Variants in RIMS1 observed in about 807,000 individuals in gnomAD.
The protein encoded by RIMS1 is regulating synaptic membrane exocytosis protein 1.
Under a neutral mutation model 214.1 loss-of-function variants are expected in RIMS1, and 83 were observed. The ratio of observed to expected loss-of-function variants is 0.39; its 90% CI spans 0.32 to 0.47. The LOEUF is 0.47. Among genes scored for constraint, RIMS1 ranks in the 20% least tolerant of loss-of-function variants. RIMS1 has a pLI of 0.99. For synonymous variants in RIMS1, 793 were observed against 786.8 expected (o/e 1.01, Z -0.13); for missense variants, 2,050 against 2,161.8 (o/e 0.95, Z 1.03).
chr6:72,033,197 A>G (rs1304275203), intron 2 of RIMS1, among the ~76,000 whole-genome samples: 1 of 152,224 alleles, frequency 6.6e-6, no homozygotes, highest in Non-Finnish European at 1.5e-5. Context: ...TCAAAAAACA[A>G]AATCACGGCT....
intron 28 of RIMS1, 142 bp downstream of exon 28, chr6:72,313,814 C>T: frequency 2.4e-6 from 2 of 833,012 alleles, no homozygotes; most frequent in Non-Finnish European, 3.6e-6. Flanking sequence ...GTATTGCCAA[C>T]AGAATGTTTA....
intron 4 of RIMS1, among the ~76,000 whole-genome samples, chr6:72,100,987 A>G (rs942861827): frequency 6.6e-6 from 1 of 151,976 alleles, no homozygotes; most frequent in Non-Finnish European, 1.5e-5. Flanking sequence ...TGTACCATTG[A>G]CTGTATGTGG....
At chr6:72,194,797 G>T (rs891923638) in intron 6 of RIMS1, among the ~76,000 whole-genome samples, 5 of 152,034 alleles carry the variant, frequency 3.3e-5, no homozygotes, top group African/African-American at 1.2e-4. Context: ...GCTCTATCTG[G>T]TGGGATTATC....
intron 2 of RIMS1, among the ~76,000 whole-genome samples, chr6:71,971,516 A>G (rs951376745): frequency 6.6e-6 from 1 of 152,204 alleles, no homozygotes; most frequent in African/African-American, 2.4e-5. Context: ...GCCACTACCA[A>G]GAAGTTGAAT....
At chr6:72,098,289 C>CTTTTTTTTTTTTTT in intron 3 of RIMS1, among the ~76,000 whole-genome samples, 1 of 143,346 alleles carries the variant, frequency 7.0e-6, no homozygotes, top group Non-Finnish European at 1.5e-5. Context: ...ATCAATATAT[C>CTTTTTTTTTTTTTT]TTTTTTTTTT....
At chr6:72,296,936 T>A (rs2094149072) in intron 26 of RIMS1, among the ~76,000 whole-genome samples, 1 of 151,906 alleles carries the variant, frequency 6.6e-6, no homozygotes, top group Admixed American at 6.6e-5. Context: ...TACATGTTGG[T>A]GTATCCTATT....
At chr6:72,290,640 C>A in intron 24 of RIMS1, 39 bp from the exon 25 acceptor site, 2 of 1,576,200 alleles carry the variant, frequency 1.3e-6, no homozygotes, top group South Asian at 1.2e-5. Flanking sequence ...TTAATGTGAA[C>A]CTGCTGACTG....
At chr6:72,225,070 G>A (rs1368574649) in intron 6 of RIMS1, among the ~76,000 whole-genome samples, 1 of 152,018 alleles carries the variant, frequency 6.6e-6, no homozygotes, top group East Asian at 1.9e-4. Flanking sequence ...TAAATTATTT[G>A]TTTGCATAGC....
intron 28 of RIMS1, among the ~76,000 whole-genome samples, chr6:72,315,513 C>T (rs368039763): frequency 6.6e-6 from 1 of 152,150 alleles, no homozygotes; most frequent in African/African-American, 2.4e-5. Context: ...TTCTTGTAAT[C>T]TCATACTGTA....
intron 2 of RIMS1, among the ~76,000 whole-genome samples, chr6:72,038,454 T>C (rs944320730): frequency 2.0e-5 from 3 of 152,082 alleles, no homozygotes; most frequent in Non-Finnish European, 2.9e-5. Flanking sequence ...CAAATGTTCA[T>C]GTCACTTTAA....
In RIMS1 at chr6:72,118,884, G is replaced by C. The variant is rs191762001; in HGVS notation, c.471+18898G>C. On this transcript the variant is annotated intron_variant, in intron 4 of 33. Coordinates refer to ENST00000521978, the MANE Select transcript of RIMS1 (RefSeq NM_014989.7). ...TGAACATTATACTGAGTGGGGAAAA[G>C]TTGAAAGCATTTCCACTGAGAACTG... Among the ~76,000 whole-genome samples the C allele has an allele frequency of 1.5e-3, 224 of 151,728 alleles. 5 individuals are homozygous for C. The highest frequency in any genetic ancestry group is 2.1e-3 in the Non-Finnish European group (142 of 67,722).
chr6:72,332,631 C>G (rs2096708775), intron 28 of RIMS1, among the ~76,000 whole-genome samples: 2 of 147,752 alleles, frequency 1.4e-5, no homozygotes, highest in Non-Finnish European at 3.0e-5. Flanking sequence ...CACATGTATA[C>G]ATATGTAACT....
chr6:72,264,043 G>T (rs2079302037), intron 19 of RIMS1: 3 of 824,448 alleles, frequency 3.6e-6, no homozygotes, highest in Non-Finnish European at 4.4e-6. Flanking sequence ...TTTAATTGAA[G>T]TTTTAAGGGA....
chr6:71,933,114 GT>G (rs1298838988), intron 1 of RIMS1, among the ~76,000 whole-genome samples: 2 of 152,148 alleles, frequency 1.3e-5, no homozygotes, highest in Non-Finnish European at 2.9e-5. Flanking sequence ...GAATGGGAGA[GT>G]GGGGAGTAAG....
chr6:72,200,345 G>A (rs914365188), intron 6 of RIMS1, among the ~76,000 whole-genome samples: 1 of 152,144 alleles, frequency 6.6e-6, no homozygotes, highest in Non-Finnish European at 1.5e-5. Flanking sequence ...CCTCTCAAAA[G>A]AGTCCACCTG....
intron 2 of RIMS1, among the ~76,000 whole-genome samples, chr6:72,062,340 T>C (rs913793642): frequency 6.6e-6 from 1 of 152,108 alleles, no homozygotes; most frequent in Non-Finnish European, 1.5e-5. Flanking sequence ...ATCCTATGGC[T>C]TTTTTTATAC....
In RIMS1 at chr6:72,333,688, A is replaced by G; in HGVS notation, c.4219A>G (p.Thr1407Ala). 3 of 1,594,720 alleles carry G rather than the reference A, an allele frequency of 1.9e-6. No individual in the cohort carries two copies. Among genetic ancestry groups the G allele is most frequent in the South Asian group, 1.1e-5 (1 of 87,742 alleles). The part of the protein sequence containing the change: ...KSTSVSGEMY[T>A]LEHNDGSQSD... ...CACCAGTGTCAGTGGAGAGATGTAC[A>G]CACTGGAGCATAATGACGGCAGCCA... is the stretch of plus-strand genomic sequence containing the variant. Residue 1407 changes from threonine to alanine, a missense_variant, in exon 29 of 34, where the codon ACA becomes GCA. Physicochemically the swap from Thr to Ala is moderately conservative, Grantham distance 58 (BLOSUM62 0). This residue lies in a region of RIMS1 where 889 missense variants were observed against 885.5 expected (regional missense o/e 1.00). Transcript: ENST00000521978.
intron 2 of RIMS1, among the ~76,000 whole-genome samples, chr6:71,980,678 C>T (rs992952553): frequency 4.6e-5 from 7 of 151,776 alleles, no homozygotes; most frequent in African/African-American, 1.5e-4. Context: ...GATGGATGAG[C>T]GTACGGCATT....
At position 72,097,162 on chromosome 6, in the gene RIMS1, C is replaced by T. The variant is rs1238525429; in HGVS notation, c.459C>T (p.Asn153=). ...CGGRVSLRSN[N]EDKVVMWVCN... is the part of the protein sequence containing the mutation. ...GCCGCGTGTCTCTACGGTCAAACAA[C>T]GTGAGTATTCCATGAACATAAGGGG... The change falls in exon 3 of 34, where the codon AAC becomes AAT. Residue 153 remains asparagine, a splice_region_variant and synonymous_variant. Coordinates refer to ENST00000521978, the MANE Select transcript of RIMS1 (RefSeq NM_014989.7). 39 of 1,612,970 alleles carry T rather than the reference C, an allele frequency of 2.4e-5. No homozygotes were observed. The highest frequency in any genetic ancestry group is 3.0e-5 in the Non-Finnish European group (35 of 1,179,444).
Sources: gnomAD v4.1 joint callset for allele counts (sites outside exome capture counted in the v4.1 genomes callset) on GRCh38, gnomAD v4.1.1 for gene constraint, gnomAD v4.1.1 regional missense constraint, MANE v1.5 for transcripts, NCBI Gene and HGNC (gene_info 2026-07-23, HGNC 2026-07-21) for gene names.